The following SLC8A3 variants were observed in gnomAD, a reference collection of about 807,000 sequenced individuals.
The protein encoded by SLC8A3 is solute carrier family 8 member A3.
Under a neutral mutation model 65.4 loss-of-function variants are expected in SLC8A3, and 37 were observed. The ratio of observed to expected loss-of-function variants is 0.57; its 90% CI spans 0.44 to 0.74. SLC8A3 has a LOEUF of 0.74. Among genes scored for constraint, SLC8A3 ranks in the 30% least tolerant of loss-of-function variants. SLC8A3 has a pLI of 0.00. For synonymous variants in SLC8A3, 461 were observed against 444.5 expected (o/e 1.04, Z -0.47); for missense variants, 1,112 against 1,172.1 (o/e 0.95, Z 0.75).
chr14:70,075,031 G>T (rs1378209131), intron 2 of SLC8A3, among the ~76,000 whole-genome samples: 1 of 151,940 alleles, frequency 6.6e-6, no homozygotes, highest in Admixed American at 6.5e-5. Context: ...ACAAGAGATT[G>T]TTTCTCTTTT....
intron 2 of SLC8A3, chr14:70,063,841 C>G: frequency 6.2e-7 from 1 of 1,604,590 alleles, no homozygotes; most frequent in Non-Finnish European, 8.5e-7. Context: ...AAACTCATAT[C>G]CACCATGCGG....
intron 1 of SLC8A3, among the ~76,000 whole-genome samples, chr14:70,181,066 A>G (rs1043503304): frequency 1.3e-5 from 2 of 152,264 alleles, no homozygotes; most frequent in Non-Finnish European, 2.9e-5. Flanking sequence ...CACAGAATAC[A>G]GAATTGTCAG....
intron 2 of SLC8A3, among the ~76,000 whole-genome samples, chr14:70,127,952 C>A (rs1428532827): frequency 6.6e-6 from 1 of 152,154 alleles, no homozygotes; most frequent in Non-Finnish European, 1.5e-5. Context: ...CTGATCCTAT[C>A]CTGAATTCCA....
intron 2 of SLC8A3, among the ~76,000 whole-genome samples, chr14:70,142,112 G>C (rs1007202568): frequency 1.3e-5 from 2 of 152,222 alleles, no homozygotes; most frequent in East Asian, 1.9e-4. Context: ...AAATCAGAAG[G>C]GTGAGACCCA....
intron 1 of SLC8A3, among the ~76,000 whole-genome samples, chr14:70,170,948 T>C (rs1040331500): frequency 6.6e-6 from 1 of 152,304 alleles, no homozygotes; most frequent in African/African-American, 2.4e-5. Context: ...TTGAAGATGT[T>C]CAGCATCCAT....
In SLC8A3 at chr14:70,060,590, G is replaced by A. The variant is rs913803930; in HGVS notation, c.1888+246C>T. On this transcript the variant is annotated intron_variant, in intron 3 of 6. Coordinates refer to ENST00000356921, the MANE Select transcript of SLC8A3 (RefSeq NM_182932.3). ...GAGGCTGCAGTGCTGCCCAGAAGGC[G>A]GTAAAGGAGGAATTTGGAATAAGCT... is the stretch of plus-strand genomic sequence containing the variant. 59 of 632,342 alleles carry A rather than the reference G, an allele frequency of 9.3e-5. 1 individual carries two copies. In the East Asian group the frequency reaches 1.3e-3, roughly 14 times the overall value. 39.2% of individuals were successfully genotyped at this position (632,342 alleles called of 1,614,324 possible).
intron 2 of SLC8A3, 112 bp downstream of exon 2, chr14:70,166,527 G>A (rs564853864): frequency 1.4e-6 from 1 of 689,992 alleles, no homozygotes; most frequent in East Asian, 2.6e-5. Context: ...TGGAACCAAA[G>A]TTTGACATTA....
intron 2 of SLC8A3, among the ~76,000 whole-genome samples, chr14:70,067,153 G>A (rs1446923413): frequency 2.0e-5 from 3 of 151,626 alleles, no homozygotes; most frequent in African/African-American, 7.3e-5. Context: ...CCACCTAAGG[G>A]CAATCCCCTT....
At chr14:70,083,729 C>G (rs1279628024) in intron 2 of SLC8A3, among the ~76,000 whole-genome samples, 2 of 152,194 alleles carry the variant, frequency 1.3e-5, no homozygotes. Context: ...AATTGAGACC[C>G]AGCAGTGTCA....
chr14:70,072,196 TA>T (rs1456421240), intron 2 of SLC8A3, among the ~76,000 whole-genome samples: 7 of 152,178 alleles, frequency 4.6e-5, no homozygotes, highest in Non-Finnish European at 1.0e-4. Flanking sequence ...AGCCCATGGG[TA>T]CTCCTCTGCT....
Position 70,045,870 on chromosome 14 carries a change from A to G in SLC8A3, c.*77T>C. ...GCCTCTCCAGGGCAGTGCAGTCGGGAGAGATCACTGGTGGGGAAGTGCCCT... is the reference window on the plus strand; with the variant it reads ...GCCTCTCCAGGGCAGTGCAGTCGGGGGAGATCACTGGTGGGGAAGTGCCCT... On this transcript the variant is annotated 3_prime_UTR_variant, in exon 7 of 7. Transcript: ENST00000356921. The G allele has an allele frequency of 1.5e-6, 2 of 1,359,334 alleles. No individual in the cohort carries two copies. The highest frequency in any genetic ancestry group is 2.0e-6 in the Non-Finnish European group (2 of 1,009,986). 84.2% of individuals were successfully genotyped at this position (1,359,334 alleles called of 1,614,324 possible).
At chr14:70,076,256 G>A (rs760893337) in intron 2 of SLC8A3, among the ~76,000 whole-genome samples, 12 of 152,008 alleles carry the variant, frequency 7.9e-5, no homozygotes, top group Non-Finnish European at 1.8e-4. Context: ...TTGTCTGCCC[G>A]GTCTGCTTGG....
At chr14:70,072,615 ATCCAT>A (rs1427957172) in intron 2 of SLC8A3, among the ~76,000 whole-genome samples, 1 of 151,782 alleles carries the variant, frequency 6.6e-6, no homozygotes, top group East Asian at 1.9e-4. Flanking sequence ...CCATCCATCC[ATCCAT>A]CCATCCATCC....
intron 2 of SLC8A3, among the ~76,000 whole-genome samples, chr14:70,072,538 C>G (rs890958466): frequency 2.0e-5 from 3 of 151,936 alleles, no homozygotes; most frequent in Admixed American, 2.0e-4. Context: ...AGAATAAAGA[C>G]TTAAGGATTC....
chr14:70,108,908 C>G (rs991490960), intron 2 of SLC8A3, among the ~76,000 whole-genome samples: 5 of 152,116 alleles, frequency 3.3e-5, no homozygotes, highest in African/African-American at 1.2e-4. Flanking sequence ...ATGATGTTCC[C>G]TCTGCCTAGA....
At chr14:70,119,045 CA>C (rs955919517) in intron 2 of SLC8A3, among the ~76,000 whole-genome samples, 30 of 152,116 alleles carry the variant, frequency 2.0e-4, no homozygotes, top group African/African-American at 7.2e-4. Context: ...AAGGACCCCA[CA>C]GGACACTGCT....
chr14:70,122,408 G>A (rs999469013), intron 2 of SLC8A3, among the ~76,000 whole-genome samples: 2 of 152,004 alleles, frequency 1.3e-5, no homozygotes, highest in Non-Finnish European at 2.9e-5. Context: ...ATCTTTACTG[G>A]TTCAAGGACA....
intron 2 of SLC8A3, among the ~76,000 whole-genome samples, chr14:70,147,515 C>A (rs182258073): frequency 6.6e-6 from 1 of 152,198 alleles, no homozygotes; most frequent in East Asian, 1.9e-4. Flanking sequence ...TGTTACATGG[C>A]AATGGTGAAG....
intron 2 of SLC8A3, among the ~76,000 whole-genome samples, chr14:70,070,008 A>G (rs1044263956): frequency 1.3e-5 from 2 of 152,284 alleles, no homozygotes; most frequent in Admixed American, 6.5e-5. Context: ...ACCCAGGGAA[A>G]GAGGAGAAGC....
Sources: gnomAD v4.1 joint callset for allele counts (sites outside exome capture counted in the v4.1 genomes callset) on GRCh38, gnomAD v4.1.1 for gene constraint, MANE v1.5 for transcripts, NCBI Gene and HGNC (gene_info 2026-07-23, HGNC 2026-07-21) for gene names.